NOP53: variants seen among roughly 807,000 people sequenced by gnomAD.
The protein encoded by NOP53 is ribosome biogenesis protein NOP53.
In NOP53, 40 loss-of-function variants were observed where a neutral mutation model predicts 61.0. That is an observed-to-expected ratio of 0.66 (90% CI 0.51 to 0.85). NOP53 has a LOEUF of 0.85. NOP53 is among the 40% of genes least tolerant of loss of function. The probability of loss-of-function intolerance (pLI) is 0.00; values close to 1 mark genes in which losing one functional copy is unlikely to be tolerated. For synonymous variants in NOP53, 308 were observed against 289.5 expected, an observed-to-expected ratio of 1.06 and a Z score of -0.65; for missense variants, 689 against 652.9, an observed-to-expected ratio of 1.06 and a Z score of -0.60.
At chr19:47,749,130 C>T (rs964201682) in intron 2 of NOP53, among the ~76,000 whole-genome samples, 3 of 151,678 alleles carry the variant, frequency 2.0e-5, no homozygotes, top group Non-Finnish European at 2.9e-5. Context: ...CATTGCACTC[C>T]GCTCCAGCCT....
At position 47,756,428 on chromosome 19, in the gene NOP53, G is replaced by T. The variant is rs1967198691; in HGVS notation, c.1297-100G>T. ...CTGGTGCCCACAGGCTGCCCTGGGG[G>T]GAGACTGCATGGGGCTGAGCCCTGC... is the stretch of plus-strand genomic sequence containing the variant. On this transcript the variant is annotated intron_variant, in intron 10 of 12. Transcript: ENST00000246802. 3 of 890,648 alleles carry T rather than the reference G, an allele frequency of 3.4e-6. No individual in the cohort carries two copies. The African/African-American group carries it at 5.0e-5, about 15-fold the overall frequency. 55.2% of individuals were successfully genotyped at this position (890,648 alleles called of 1,614,324 possible).
rs1967073560 is a variant in NOP53, at chr19:47,747,051, G to C, written c.289+20G>C. 6.3e-7 allele frequency: 1 copy of C among 1,595,852 alleles called. No homozygotes were observed. Among genetic ancestry groups the C allele is most frequent in the Non-Finnish European group, 8.6e-7 (1 of 1,163,638 alleles). ...AAAAAGGTGAGGAGAGGCTTTTGTG[G>C]TGTGGAATGGCGGTTATTCATTGTT... On this transcript the variant is annotated intron_variant, in intron 2 of 12. Transcript: ENST00000246802.
Position 47,745,554 on chromosome 19 carries a change from G to C in NOP53, c.-6G>C, listed in dbSNP as rs754441565. 1.2e-6 allele frequency: 2 copies of C among 1,613,052 alleles called. No individual in the cohort carries two copies. The highest frequency in any genetic ancestry group is 1.7e-6 in the Non-Finnish European group (2 of 1,179,544). ...ACGCCAGTGGCTGAGTTCTTCCTTT[G>C]ACAAGATGGCGGCAGGAGGCAGTGG... On this transcript the variant is annotated 5_prime_UTR_variant, in exon 1 of 13. Coordinates refer to ENST00000246802, the MANE Select transcript of NOP53 (RefSeq NM_015710.5).
At chr19:47,749,007 C>A (rs1388425854) in intron 2 of NOP53, among the ~76,000 whole-genome samples, 1 of 151,928 alleles carries the variant, frequency 6.6e-6, no homozygotes, top group African/African-American at 2.4e-5. Context: ...ACTAAGAGTA[C>A]AAAATTAGCC....
rs1223179760 is a variant in NOP53 at position 47,751,609 on chromosome 19, G to T, written c.669+19G>T. On this transcript the variant is annotated intron_variant, in intron 5 of 12. Transcript: ENST00000246802. ...AGTGAAGGTGAGATGTGTGGGAAGGGCATCCTGGGTGATGGGAGGGTGAGG... is the reference window on the plus strand; with the variant it reads ...AGTGAAGGTGAGATGTGTGGGAAGGTCATCCTGGGTGATGGGAGGGTGAGG... The T allele has an allele frequency of 5.0e-6, 8 of 1,602,878 alleles. No individual in the cohort carries two copies. The highest frequency in any genetic ancestry group is 6.8e-6 in the Non-Finnish European group (8 of 1,170,048).
intron 8 of NOP53, 91 bp from the exon 9 acceptor site, chr19:47,755,257 G>C (rs1208194849): frequency 2.3e-6 from 2 of 852,946 alleles, no homozygotes; most frequent in Non-Finnish European, 3.4e-6. Flanking sequence ...GGGACAGGCA[G>C]GTTTGTGCAG....
At chr19:47,752,266 T>G (rs1418259512) in intron 5 of NOP53, among the ~76,000 whole-genome samples, 1 of 152,194 alleles carries the variant, frequency 6.6e-6, no homozygotes, top group Non-Finnish European at 1.5e-5. Context: ...CTTCTTGAGC[T>G]GCTGGACCCC....
intron 1 of NOP53, chr19:47,746,150 G>C: frequency 4.7e-6 from 1 of 211,974 alleles, no homozygotes; most frequent in South Asian, 9.0e-5. Flanking sequence ...GTATATGTGT[G>C]TATATATATA....
chr19:47,752,723 C>T (rs1391381015), intron 6 of NOP53, 116 bp downstream of exon 6: 36 of 681,554 alleles, frequency 5.3e-5, no homozygotes, highest in South Asian at 4.2e-4. Context: ...TGGGCCTGTC[C>T]GCAACGGGGC....
At position 47,754,515 on chromosome 19, in the gene NOP53, C is replaced by T. The variant is rs1186852811; in HGVS notation, c.766-12C>T. 1.3e-6 allele frequency: 2 copies of T among 1,541,484 alleles called. No homozygotes were observed. The highest frequency in any genetic ancestry group is 2.4e-5 in the East Asian group (1 of 40,882). The stretch of plus-strand genomic sequence containing the variant: ...AGGGGTTCAGGGACCCATCCTCACT[C>T]CCGCCCCTCAGACCCTGCTCTCAGC... On this transcript the variant is annotated splice_polypyrimidine_tract_variant and intron_variant, in intron 6 of 12. Transcript: ENST00000246802. The surrounding 1 kb of genome is among the most constrained non-coding windows in gnomAD (Gnocchi z 4.2).
chr19:47,751,211 T>C, intron 4 of NOP53, 104 bp downstream of exon 4: 1 of 1,126,838 alleles, frequency 8.9e-7, no homozygotes, highest in African/African-American at 1.6e-5. Flanking sequence ...GAGTGCTTTG[T>C]GGGTGCTTTG....
chr19:47,754,734 A>G lies in NOP53; in HGVS notation c.896A>G (p.Glu299Gly). ...TQESTFQELC[E>G]GLLEESDGEG... ...GAGTCCACATTCCAGGAGCTGTGCG[A>G]GGGGCTGCTGGAGGAGTCGGATGGT... The change falls in exon 8 of 13, where the codon GAG (glutamate) becomes GGG (glycine). Residue 299 changes from glutamate to glycine, a missense_variant. Coordinates refer to ENST00000246802, the MANE Select transcript of NOP53 (RefSeq NM_015710.5). The surrounding 1 kb of genome is among the most constrained non-coding windows in gnomAD (Gnocchi z 4.2). 4 of 1,527,280 alleles carry G rather than the reference A, an allele frequency of 2.6e-6. No individual in the cohort carries two copies. The highest frequency in any genetic ancestry group is 3.5e-6 in the Non-Finnish European group (4 of 1,132,998). The allele number at this position is 1,527,280 out of a possible 1,614,324, so 94.6% of individuals were successfully genotyped here. A position where few individuals can be genotyped will look rare whatever the true frequency, so the allele number is the denominator to read the frequency against.
chr19:47,756,118 T>C (rs1034903220), intron 10 of NOP53: 6 of 519,622 alleles, frequency 1.2e-5, no homozygotes, highest in African/African-American at 3.8e-5. Context: ...ACCCTGTCCC[T>C]CCCCTGCTCG....
chr19:47,754,649 C>T lies in NOP53; in HGVS notation c.870+18C>T. The T allele has an allele frequency of 6.5e-7, 1 of 1,544,278 alleles. No individual in the cohort carries two copies. Among genetic ancestry groups the T allele is most frequent in the Non-Finnish European group, 8.7e-7 (1 of 1,142,910 alleles). On this transcript the variant is annotated intron_variant, in intron 7 of 12. Coordinates refer to ENST00000246802, the MANE Select transcript of NOP53 (RefSeq NM_015710.5). The surrounding 1 kb of genome is among the most constrained non-coding windows in gnomAD (Gnocchi z 4.2). The stretch of plus-strand genomic sequence containing the variant: ...CCACCCAGGTGAGCCCCGCACCTGC[C>T]CACTCCCTCCCCTCCCCGGGCCTCC...
intron 10 of NOP53, 65 bp downstream of exon 10, chr19:47,755,887 C>A (rs1169556692): frequency 1.4e-6 from 2 of 1,382,316 alleles, no homozygotes; most frequent in Non-Finnish European, 1.0e-6. Context: ...CTCCCCGTGC[C>A]CCCCAGGGGC....
At position 47,757,035 on chromosome 19, in the gene NOP53, C is replaced by A; in HGVS notation, c.*30C>A. Reference sequence around the variant, plus strand: ...CATCAGATGCCGGAGACTCGCCCTTCAATAAAAAATCTCTTCTAGCTGATC... The same window carrying A: ...CATCAGATGCCGGAGACTCGCCCTTAAATAAAAAATCTCTTCTAGCTGATC... On this transcript the variant is annotated 3_prime_UTR_variant, in exon 13 of 13. Transcript: ENST00000246802. 6.2e-7 allele frequency: 1 copy of A among 1,612,370 alleles called. No homozygotes were observed. Among genetic ancestry groups the A allele is most frequent in the Non-Finnish European group, 8.5e-7 (1 of 1,178,696 alleles).
At chr19:47,755,297 C>T (rs1480335394) in intron 8 of NOP53, 51 bp from the exon 9 acceptor site, 5 of 1,278,026 alleles carry the variant, frequency 3.9e-6, no homozygotes, top group Non-Finnish European at 5.2e-6. Context: ...GAGAAGGTCT[C>T]CCTGTGTGGG....
intron 6 of NOP53, 43 bp downstream of exon 6, chr19:47,752,650 C>T: frequency 8.1e-7 from 1 of 1,227,536 alleles, no homozygotes. Context: ...TGGGCTCTGC[C>T]TCTTGGTCAG....
intron 2 of NOP53, 89 bp from the exon 3 acceptor site, chr19:47,750,089 C>T: frequency 1.3e-6 from 1 of 798,494 alleles, no homozygotes; most frequent in Non-Finnish European, 2.2e-6. Context: ...GGATTCAGGT[C>T]TGATGGCTCC....
Sources: allele counts gnomAD v4.1 joint callset (sites outside exome capture counted in the v4.1 genomes callset), GRCh38; gene constraint gnomAD v4.1.1; non-coding constraint Gnocchi (gnomAD v3.1); transcripts MANE v1.5; gene names NCBI Gene and HGNC (gene_info 2026-07-23, HGNC 2026-07-21).